STPG2: variants seen among roughly 807,000 people sequenced by gnomAD.
STPG2 encodes sperm-tail PG-rich repeat-containing protein 2.
STPG2 carries 56 observed loss-of-function variants against 54.2 expected under a neutral mutation model. The observed-to-expected ratio is 1.03, with a 90% CI of 0.83 to 1.29. STPG2 has a LOEUF of 1.29. Among genes scored for constraint, STPG2 ranks in the 50% most tolerant of loss-of-function variants. The pLI is 0.00. For missense variants in STPG2, 596 were observed against 544.9 expected, an observed-to-expected ratio of 1.09 and a Z score of -0.93; for synonymous variants, 200 against 181.8, an observed-to-expected ratio of 1.10 and a Z score of -0.81.
intron 3 of STPG2, among the ~76,000 whole-genome samples, chr4:98,116,343 A>G (rs899747119): frequency 6.6e-5 from 10 of 151,932 alleles, no homozygotes; most frequent in Admixed American, 6.6e-5. Flanking sequence ...AGAATCTATG[A>G]CTAATTGTGA....
intron 8 of STPG2, among the ~76,000 whole-genome samples, chr4:97,913,365 T>C (rs1731752550): frequency 6.6e-6 from 1 of 152,170 alleles, no homozygotes. Flanking sequence ...AATAAAGAAG[T>C]TACAAAAACT....
intron 5 of STPG2, among the ~76,000 whole-genome samples, chr4:97,996,012 C>G (rs1735196804): frequency 6.6e-6 from 1 of 152,060 alleles, no homozygotes; most frequent in South Asian, 2.1e-4. Context: ...CCATACTGCC[C>G]AAAGCAATTT....
intron 10 of STPG2, among the ~76,000 whole-genome samples, chr4:97,625,759 C>A (rs1734123363): frequency 6.6e-6 from 1 of 152,154 alleles, no homozygotes; most frequent in Non-Finnish European, 1.5e-5. Flanking sequence ...CTAAGGATTT[C>A]TTCTCTTCTT....
chr4:98,096,618 G>GAA (rs1738867109), intron 5 of STPG2, among the ~76,000 whole-genome samples: 2 of 151,970 alleles, frequency 1.3e-5, no homozygotes, highest in Middle Eastern at 3.4e-3. Context: ...AAATAATAAA[G>GAA]ATCAGAGTAG....
chr4:97,854,851 G>C (rs534446139), intron 8 of STPG2, among the ~76,000 whole-genome samples: 37 of 152,122 alleles, frequency 2.4e-4, no homozygotes, highest in African/African-American at 8.4e-4. Context: ...CATCACCTAC[G>C]TATTAAGCCC....
chr4:97,861,208 G>A (rs1729521072), intron 8 of STPG2, among the ~76,000 whole-genome samples: 1 of 152,048 alleles, frequency 6.6e-6, no homozygotes, highest in Non-Finnish European at 1.5e-5. Context: ...CTCAGAAGAA[G>A]ACAAACAAAT....
chr4:97,459,528 C>T (rs575277827), intron 4 of STPG2, among the ~76,000 whole-genome samples: 1 of 151,480 alleles, frequency 6.6e-6, no homozygotes, highest in South Asian at 2.1e-4. Flanking sequence ...CAAGCTCCGC[C>T]TCCCGGGTTC....
At chr4:98,047,322 AAGCATGAGG>A (rs142781383) in intron 5 of STPG2, among the ~76,000 whole-genome samples, 1 of 152,156 alleles carries the variant, frequency 6.6e-6, no homozygotes, top group East Asian at 1.9e-4. Context: ...CAGGGATAAA[AAGCATGAGG>A]AGCGCCCATA....
chr4:98,103,158 G>A (rs1224643625), intron 5 of STPG2, among the ~76,000 whole-genome samples: 1 of 151,548 alleles, frequency 6.6e-6, no homozygotes, highest in Admixed American at 6.6e-5. Context: ...TAATTAACAT[G>A]TTCATTATAA....
chr4:97,665,774 A>C (rs1211342172), intron 10 of STPG2, among the ~76,000 whole-genome samples: 2 of 152,090 alleles, frequency 1.3e-5, no homozygotes, highest in Non-Finnish European at 2.9e-5. Context: ...GCACTCCGTC[A>C]GCTTCCCTCC....
At chr4:98,142,033 AAGGATTGCAAAGTGTCAC>A (rs1448805325) in intron 1 of STPG2, among the ~76,000 whole-genome samples, 1 of 152,004 alleles carries the variant, frequency 6.6e-6, no homozygotes, top group African/African-American at 2.4e-5. Flanking sequence ...TGTCAAAATT[AAGGATTGCAAAGTGTCAC>A]AGGGGGTCAT....
At chr4:98,019,074 T>C (rs1210154384) in intron 5 of STPG2, among the ~76,000 whole-genome samples, 2 of 152,124 alleles carry the variant, frequency 1.3e-5, no homozygotes, top group African/African-American at 4.8e-5. Flanking sequence ...TTTGGTGTTT[T>C]AGACATGAAG....
At chr4:97,583,171 G>A (rs2148892239) in intron 10 of STPG2, among the ~76,000 whole-genome samples, 1 of 152,050 alleles carries the variant, frequency 6.6e-6, no homozygotes, top group Non-Finnish European at 1.5e-5. Context: ...CTAACCACTA[G>A]AAGAAGAGAT....
intron 7 of STPG2, among the ~76,000 whole-genome samples, chr4:97,959,615 A>C (rs1397839815): frequency 1.3e-5 from 2 of 152,080 alleles, no homozygotes; most frequent in Non-Finnish European, 2.9e-5. Context: ...GAGATGGATA[A>C]ATTCCTGGAA....
chr4:98,076,140 A>T (rs1685265513), intron 5 of STPG2, among the ~76,000 whole-genome samples: 1 of 152,040 alleles, frequency 6.6e-6, no homozygotes, highest in South Asian at 2.1e-4. Context: ...GCTACTCAGG[A>T]GGCTGAGGCA....
intron 9 of STPG2, among the ~76,000 whole-genome samples, chr4:97,817,019 T>G (rs1727939649): frequency 6.7e-6 from 1 of 148,488 alleles, no homozygotes; most frequent in African/African-American, 2.4e-5. Flanking sequence ...CTATTGGTTC[T>G]GTTTTTCTGG....
At chr4:97,841,047 T>A (rs1728788729) in intron 8 of STPG2, 115 bp from the exon 9 acceptor site, 3 of 953,872 alleles carry the variant, frequency 3.1e-6, no homozygotes, top group Non-Finnish European at 4.4e-6. Context: ...ATACTTTTAT[T>A]AATTAAACAT....
intron 5 of STPG2, among the ~76,000 whole-genome samples, chr4:98,010,095 GATTTC>G (rs1409899905): frequency 1.3e-5 from 2 of 151,542 alleles, no homozygotes; most frequent in Non-Finnish European, 2.9e-5. Flanking sequence ...TCTTAGTCAT[GATTTC>G]ATTTATTTGC....
At chr4:97,912,935 A>G (rs1731736677) in intron 8 of STPG2, among the ~76,000 whole-genome samples, 2 of 152,234 alleles carry the variant, frequency 1.3e-5, no homozygotes, top group African/African-American at 4.8e-5. Flanking sequence ...CAATAATACA[A>G]TTCTAAAGAG....
Sources: gnomAD v4.1 joint callset for allele counts (sites outside exome capture counted in the v4.1 genomes callset) on GRCh38, gnomAD v4.1.1 for gene constraint, MANE v1.5 for transcripts, NCBI Gene and HGNC (gene_info 2026-07-23, HGNC 2026-07-21) for gene names.